GLIS1: variants seen among roughly 807,000 people sequenced by gnomAD.
GLIS1 encodes zinc finger protein GLIS1.
Under a neutral mutation model 63.8 loss-of-function variants are expected in GLIS1, and 24 were observed. The ratio of observed to expected loss-of-function variants is 0.38; its 90% CI spans 0.27 to 0.53. The LOEUF is 0.53. Ranked by LOEUF, GLIS1 falls within the 20% of genes least tolerant of loss-of-function variation. The pLI, the probability that GLIS1 is intolerant of heterozygous loss-of-function variation, is 0.85. For missense variants in GLIS1, 1,036 were observed against 1,074.1 expected (o/e 0.96, Z 0.50); for synonymous variants, 450 against 482.5 (o/e 0.93, Z 0.88).
In GLIS1 at chr1:53,594,959, C is replaced by T. The variant is rs955726932; in HGVS notation, c.469G>A (p.Gly157Ser). The change falls in exon 4 of 11, where the codon GGC becomes AGC. Residue 157 changes from glycine to serine, a missense_variant. By Grantham distance (56) the Gly-to-Ser change is moderately conservative. Transcript: ENST00000628545. ...SPRPQATYVN[G>S]SLPTTQHIKQ... is the part of the protein sequence containing the mutation. ...ATGTGTTGTGTGGTTGGGAGGCTGC[C>T]GTTCACATACGTGGCCTGGGGTCTA... 12 of 1,452,426 alleles carry T rather than the reference C, an allele frequency of 8.3e-6. No homozygotes were observed. The highest frequency in any genetic ancestry group is 7.1e-5 in the African/African-American group (5 of 70,212). 90.0% of individuals were successfully genotyped at this position (1,452,426 alleles called of 1,614,324 possible). A position where few individuals can be genotyped will look rare whatever the true frequency, so the allele number is the denominator to read the frequency against.
At position 53,524,272 on chromosome 1, in the gene GLIS1, AC is replaced by A. The variant is rs557974150; in HGVS notation, c.1593+504del. 8.5e-5 allele frequency among the ~76,000 whole-genome samples: 13 copies of A among 152,150 alleles called. No individual in the cohort carries two copies. In the South Asian group the frequency reaches 2.3e-3, roughly 27 times the overall value. ...AAACACTGCACCCATGCCTGACGCCACTTCCTCCACAGACCTTCCTGCTCCC... is the reference window on the plus strand; with the variant it reads ...AAACACTGCACCCATGCCTGACGCCATTCCTCCACAGACCTTCCTGCTCCC... On this transcript the variant is annotated intron_variant, in intron 6 of 10. Transcript: ENST00000628545.
intron 2 of GLIS1, among the ~76,000 whole-genome samples, chr1:53,652,007 AG>A: frequency 6.6e-6 from 1 of 152,328 alleles, no homozygotes; most frequent in Non-Finnish European, 1.5e-5. Context: ...AGAGTTATGC[AG>A]GCAGCAAGTA....
rs374410079 is a variant in GLIS1, at chr1:53,566,394, A to AG, written c.1320+27713dup. On this transcript the variant is annotated intron_variant, in intron 4 of 10. Transcript: ENST00000628545. ...AATAAGCAATTATAGCAAGGTTGCAAGATACAAGGTTAGTATATAAAAATC... is the reference window on the plus strand; with the variant it reads ...AATAAGCAATTATAGCAAGGTTGCAAGGATACAAGGTTAGTATATAAAAATC... Among the ~76,000 whole-genome samples the AG allele has an allele frequency of 9.2e-5, 14 of 152,354 alleles. 1 individual carries two copies. Among genetic ancestry groups the AG allele is most frequent in the African/African-American group, 3.4e-4 (14 of 41,584 alleles).
At position 53,595,543 on chromosome 1, in the gene GLIS1, G is replaced by A. The variant is rs75902895; in HGVS notation, c.438-553C>T. On this transcript the variant is annotated intron_variant, in intron 3 of 10. Transcript: ENST00000628545. ...GAGGACCTTGCATCGTTTTACCAAA[G>A]CTCAGCACCCCCACCCAGCCCTGGA... Among the ~76,000 whole-genome samples, 1,219 of 152,162 alleles carry A rather than the reference G, an allele frequency of 8.0e-3. 15 individuals carry two copies. The highest frequency in any genetic ancestry group is 0.028 in the African/African-American group (1,165 of 41,502).
intron 2 of GLIS1, among the ~76,000 whole-genome samples, chr1:53,629,601 T>C (rs1312149916): frequency 6.6e-6 from 1 of 152,206 alleles, no homozygotes; most frequent in Non-Finnish European, 1.5e-5. Context: ...TCCCACATCT[T>C]AGACACAGTG....
At chr1:53,596,600 A>G (rs2948053) in intron 3 of GLIS1, among the ~76,000 whole-genome samples, 61,148 of 151,986 alleles carry the variant, frequency 0.4, 13,310 homozygotes, top group East Asian at 0.56. Flanking sequence ...TCTTATCGCC[A>G]TTCACCACCA....
chr1:53,508,796 G>A (rs964950582), intron 10 of GLIS1, among the ~76,000 whole-genome samples: 5 of 152,202 alleles, frequency 3.3e-5, no homozygotes, highest in African/African-American at 9.7e-5. Context: ...GCTATGCCTG[G>A]CACACAGTAG....
chr1:53,636,309 G>T lies in GLIS1; in HGVS notation c.260-36031C>A, dbSNP rs2316196. On this transcript the variant is annotated intron_variant, in intron 2 of 10. Coordinates refer to ENST00000628545, the MANE Select transcript of GLIS1 (RefSeq NM_001367484.1). ...ATTTAACATTAGAAAATCACTTAACGCTATTCACCACATTAGTAGATTTTA... is the reference window on the plus strand; with the variant it reads ...ATTTAACATTAGAAAATCACTTAACTCTATTCACCACATTAGTAGATTTTA... 1.5e-3 allele frequency among the ~76,000 whole-genome samples: 223 copies of T among 152,078 alleles called. 2 individuals are homozygous for T. The highest frequency in any genetic ancestry group is 5.3e-3 in the African/African-American group (218 of 41,496).
chr1:53,643,098 A>G (rs936432284), intron 2 of GLIS1, among the ~76,000 whole-genome samples: 1 of 152,206 alleles, frequency 6.6e-6, no homozygotes, highest in African/African-American at 2.4e-5. Context: ...CTAGTTCCCG[A>G]ACAAACGAAA....
intron 2 of GLIS1, among the ~76,000 whole-genome samples, chr1:53,707,963 G>A (rs929181354): frequency 1.3e-5 from 2 of 151,476 alleles, no homozygotes; most frequent in Admixed American, 6.6e-5. Flanking sequence ...CATCCAACCT[G>A]ATGAAGCTCT....
At chr1:53,640,363 G>A (rs2100286436) in intron 2 of GLIS1, among the ~76,000 whole-genome samples, 1 of 150,170 alleles carries the variant, frequency 6.7e-6, no homozygotes, top group East Asian at 1.9e-4. Flanking sequence ...CAAATGGGAG[G>A]AATATAAAAA....
intron 4 of GLIS1, among the ~76,000 whole-genome samples, chr1:53,535,284 G>A (rs1486144047): frequency 9.2e-5 from 14 of 152,028 alleles, no homozygotes; most frequent in Admixed American, 8.5e-4. Flanking sequence ...GGACTCTGGT[G>A]CGACTTCTGC....
chr1:53,664,819 G>A (rs1416706744), intron 2 of GLIS1, among the ~76,000 whole-genome samples: 1 of 152,192 alleles, frequency 6.6e-6, no homozygotes, highest in Non-Finnish European at 1.5e-5. Context: ...AGACCTGAAG[G>A]AGCGAGGGAG....
intron 2 of GLIS1, among the ~76,000 whole-genome samples, chr1:53,601,996 C>T (rs1645322963): frequency 6.6e-6 from 1 of 152,134 alleles, no homozygotes; most frequent in Admixed American, 6.5e-5. Flanking sequence ...AGGTGAGGTG[C>T]TCATATGGGA....
At chr1:53,631,977 A>G (rs1645656922) in intron 2 of GLIS1, among the ~76,000 whole-genome samples, 1 of 151,980 alleles carries the variant, frequency 6.6e-6, no homozygotes, top group African/African-American at 2.4e-5. Context: ...AGTGTGAGGG[A>G]TGTGTGAATG....
intron 2 of GLIS1, among the ~76,000 whole-genome samples, chr1:53,690,352 A>G (rs1646389115): frequency 6.6e-6 from 1 of 152,224 alleles, no homozygotes; most frequent in South Asian, 2.1e-4. Context: ...TTGTTCTGTG[A>G]AGACCTGTGC....
chr1:53,517,973 G>A (rs578120653), intron 7 of GLIS1, among the ~76,000 whole-genome samples: 27 of 152,336 alleles, frequency 1.8e-4, no homozygotes, highest in Non-Finnish European at 3.5e-4. Flanking sequence ...GACGCCACGG[G>A]GCCTGATGGG....
At chr1:53,580,941 TGCA>T (rs1645078679) in intron 4 of GLIS1, among the ~76,000 whole-genome samples, 1 of 152,194 alleles carries the variant, frequency 6.6e-6, no homozygotes, top group Admixed American at 6.5e-5. Context: ...AAACAGCTGC[TGCA>T]GCAGCAGCTA....
Position 53,509,218 on chromosome 1 carries a change from G to C in GLIS1, c.2132C>G (p.Pro711Arg), listed in dbSNP as rs769700551. ...PYGDCYRMAEPAAGGDGLVGE... is the reference protein window; with the variant it reads ...PYGDCYRMAERAAGGDGLVGE... ...GACCAGTCCGTCCCCACCGGCTGCT[G>C]GTTCAGCCATCCGGTAGCAGTCGCC... The change falls in exon 10 of 11, where the codon CCA becomes CGA. Residue 711 changes from proline to arginine, a missense_variant. Pro to Arg is a moderately radical substitution (Grantham distance 103, BLOSUM62 -2). Coordinates refer to ENST00000628545, the MANE Select transcript of GLIS1 (RefSeq NM_001367484.1). 2.5e-6 allele frequency: 4 copies of C among 1,597,310 alleles called. No individual in the cohort carries two copies. The highest frequency in any genetic ancestry group is 3.4e-6 in the Non-Finnish European group (4 of 1,172,494).
Sources: gnomAD v4.1 joint callset for allele counts (sites outside exome capture counted in the v4.1 genomes callset) on GRCh38, gnomAD v4.1.1 for gene constraint, MANE v1.5 for transcripts, NCBI Gene and HGNC (gene_info 2026-07-23, HGNC 2026-07-21) for gene names.